SRD5A2: variants seen among roughly 807,000 people sequenced by gnomAD.
SRD5A2 encodes 3-oxo-5-alpha-steroid 4-dehydrogenase 2.
A neutral mutation model predicts 27.4 loss-of-function variants in SRD5A2; 30 were observed. The observed-to-expected ratio is 1.10, with a 90% CI of 0.82 to 1.49. SRD5A2 has a LOEUF of 1.49. Ranked by LOEUF, SRD5A2 falls within the 40% of genes most tolerant of loss-of-function variation. The pLI, the probability that SRD5A2 is intolerant of heterozygous loss-of-function variation, is 0.00. For synonymous variants in SRD5A2, 141 were observed against 133.6 expected (o/e 1.06, Z -0.38); for missense variants, 348 against 323.4 (o/e 1.08, Z -0.58).
Position 31,533,678 on chromosome 2 carries a change from C to T in SRD5A2, c.370G>A (p.Val124Ile). The T allele has an allele frequency of 1.9e-6, 3 of 1,577,034 alleles. No homozygotes were observed. The highest frequency in any genetic ancestry group is 1.7e-4 in the Middle Eastern group (1 of 6,028). ...TAAATCAGATAGTAGCCTTGAAGGA[C>T]TCCATTTCCAGTGCAGAAGGCAGTG... ...RGTAFCTGNGVLQGYYLIYCA... is the reference protein window; with the variant it reads ...RGTAFCTGNGILQGYYLIYCA... The change falls in exon 2 of 5, where the codon GTC becomes ATC. Residue 124 changes from valine to isoleucine, a missense_variant. Physicochemically the swap from Val to Ile is conservative, Grantham distance 29. Transcript: ENST00000622030.
the SRD5A2 span, among the ~76,000 whole-genome samples, chr2:31,614,081 A>C: frequency 6.6e-6 from 1 of 152,244 alleles, no homozygotes; most frequent in East Asian, 1.9e-4. Flanking sequence ...TGAAACTAAT[A>C]ATGCCTTCCC....
chr2:31,607,110 T>A, the SRD5A2 span, among the ~76,000 whole-genome samples: 2 of 151,952 alleles, frequency 1.3e-5, no homozygotes, highest in African/African-American at 4.8e-5. Flanking sequence ...TTTAAAGATA[T>A]GTCATTAGAA....
chr2:31,655,891 A>G, the SRD5A2 span, among the ~76,000 whole-genome samples: 1 of 152,232 alleles, frequency 6.6e-6, no homozygotes, highest in Non-Finnish European at 1.5e-5. Context: ...GCAATTTTCA[A>G]CAGGGGACTG....
intron 1 of SRD5A2, among the ~76,000 whole-genome samples, chr2:31,574,484 C>A (rs1666916378): frequency 2.0e-5 from 3 of 152,116 alleles, no homozygotes; most frequent in Admixed American, 6.5e-5. Flanking sequence ...AAAGTTGGTC[C>A]TTTCTTCAGT....
chr2:31,535,810 G>A (rs921358902), intron 1 of SRD5A2, among the ~76,000 whole-genome samples: 2 of 152,202 alleles, frequency 1.3e-5, no homozygotes, highest in Non-Finnish European at 2.9e-5. Context: ...GTGCATAAGT[G>A]AATTAGATTC....
At chr2:31,620,165 A>G in the SRD5A2 span, among the ~76,000 whole-genome samples, 1 of 152,156 alleles carries the variant, frequency 6.6e-6, no homozygotes, top group Non-Finnish European at 1.5e-5. Context: ...TCAGTAAACT[A>G]TATATTGAAG....
chr2:31,561,350 T>C (rs989527231), intron 1 of SRD5A2, among the ~76,000 whole-genome samples: 1 of 152,106 alleles, frequency 6.6e-6, no homozygotes, highest in Non-Finnish European at 1.5e-5. Flanking sequence ...ATAATGATAT[T>C]TTCCCCAAAG....
chr2:31,622,816 G>T, the SRD5A2 span, among the ~76,000 whole-genome samples: 463 of 152,196 alleles, frequency 3.0e-3, 4 homozygotes, highest in African/African-American at 0.011. Flanking sequence ...ATCACCGGTT[G>T]TTGAATAAAA....
At chr2:31,547,793 C>T (rs1389754552) in intron 1 of SRD5A2, among the ~76,000 whole-genome samples, 2 of 152,132 alleles carry the variant, frequency 1.3e-5, no homozygotes, top group Admixed American at 6.5e-5. Context: ...TGAAACTTCT[C>T]AGCCTACATA....
intron 2 of SRD5A2, among the ~76,000 whole-genome samples, chr2:31,531,790 A>C (rs894156046): frequency 9.9e-5 from 15 of 152,238 alleles, no homozygotes; most frequent in African/African-American, 2.4e-4. Flanking sequence ...ATGGATCATA[A>C]TAGTAAGCCT....
the SRD5A2 span, among the ~76,000 whole-genome samples, chr2:31,623,279 T>C: frequency 6.6e-6 from 1 of 151,984 alleles, no homozygotes; most frequent in African/African-American, 2.4e-5. Flanking sequence ...ATTTCCATAC[T>C]CTAAGATAAA....
the SRD5A2 span, among the ~76,000 whole-genome samples, chr2:31,595,001 C>G: frequency 6.6e-6 from 1 of 151,938 alleles, no homozygotes; most frequent in Admixed American, 6.6e-5. Context: ...TTTTAAATTC[C>G]TTGATCTGAA....
At chr2:31,613,237 T>C in the SRD5A2 span, among the ~76,000 whole-genome samples, 1 of 151,780 alleles carries the variant, frequency 6.6e-6, no homozygotes, top group Non-Finnish European at 1.5e-5. Flanking sequence ...ACCCACAGAT[T>C]GGGAGAAAAT....
At chr2:31,623,940 C>T in the SRD5A2 span, among the ~76,000 whole-genome samples, 2 of 151,998 alleles carry the variant, frequency 1.3e-5, no homozygotes, top group African/African-American at 4.8e-5. Context: ...ACCTTACATC[C>T]CAGGGATGAA....
At chr2:31,596,215 C>T in the SRD5A2 span, among the ~76,000 whole-genome samples, 1 of 151,836 alleles carries the variant, frequency 6.6e-6, no homozygotes, top group Non-Finnish European at 1.5e-5. Context: ...CAGTGAAAAC[C>T]CGTCTCTACT....
intron 1 of SRD5A2, among the ~76,000 whole-genome samples, chr2:31,539,256 G>T (rs1666084360): frequency 6.6e-6 from 1 of 152,158 alleles, no homozygotes. Context: ...ATATATTCCA[G>T]ATTTAGAGCC....
upstream of SRD5A2, among the ~76,000 whole-genome samples, chr2:31,584,101 T>C (rs1667137507): frequency 6.6e-6 from 1 of 152,132 alleles, no homozygotes. Flanking sequence ...TGTAGAGTCC[T>C]GATAAAGGAA....
At chr2:31,531,765 T>A (rs1037092532) in intron 2 of SRD5A2, among the ~76,000 whole-genome samples, 3 of 152,168 alleles carry the variant, frequency 2.0e-5, no homozygotes, top group Admixed American at 1.3e-4. Context: ...TTTAAATAGA[T>A]AAACAAACAA....
At chr2:31,559,742 G>A (rs1439798956) in intron 1 of SRD5A2, among the ~76,000 whole-genome samples, 2 of 151,978 alleles carry the variant, frequency 1.3e-5, no homozygotes, top group Non-Finnish European at 2.9e-5. Flanking sequence ...ATGTCAACAA[G>A]TCAGGTATGT....
Sources: allele counts gnomAD v4.1 joint callset (sites outside exome capture counted in the v4.1 genomes callset), GRCh38; gene constraint gnomAD v4.1.1; transcripts MANE v1.5; gene names NCBI Gene and HGNC (gene_info 2026-07-23, HGNC 2026-07-21).